Variants in PHACTR2 observed in about 807,000 individuals in gnomAD.
PHACTR2 encodes the protein chromosome 6 open reading frame 56.
Under a neutral mutation model 76.0 loss-of-function variants are expected in PHACTR2, and 30 were observed. The observed-to-expected ratio is 0.39, with a 90% CI of 0.30 to 0.54. The LOEUF (loss-of-function observed/expected upper bound fraction) is 0.54, where lower values mean the gene tolerates loss of function less well. PHACTR2 is among the 20% of genes least tolerant of loss of function. PHACTR2 has a pLI of 0.61. For missense variants in PHACTR2, 696 were observed against 781.1 expected, an observed-to-expected ratio of 0.89 and a Z score of 1.30; for synonymous variants, 292 against 292.5, an observed-to-expected ratio of 1.00 and a Z score of 0.02.
In PHACTR2 at chr6:143,610,214, A is replaced by G. The variant is rs1287545382; in HGVS notation, c.13+1892A>G. On this transcript the variant is annotated intron_variant, in intron 1 of 11. Coordinates refer to the PHACTR2 transcript ENST00000305766. The surrounding 1 kb of genome is among the most constrained non-coding windows in gnomAD (Gnocchi z 4.9). ...TTACAGGAGGAAAATGTAAACATCC[A>G]TTATATACAGACATTTCAATACATT... 1.3e-5 allele frequency among the ~76,000 whole-genome samples: 2 copies of G among 152,194 alleles called. No individual in the cohort carries two copies. The highest frequency in any genetic ancestry group is 2.9e-5 in the Non-Finnish European group (2 of 68,020).
chr6:143,817,940 G>A (rs373069218), intron 12 of PHACTR2, among the ~76,000 whole-genome samples: 1 of 152,114 alleles, frequency 6.6e-6, no homozygotes, highest in African/African-American at 2.4e-5. Flanking sequence ...ACTGTAGGGG[G>A]ACTATAGTTA....
At chr6:143,771,170 ATATGTATATATATATATATG>A (rs1562300713) in intron 6 of PHACTR2, among the ~76,000 whole-genome samples, 479 of 27,442 alleles carry the variant, frequency 0.017, 11 homozygotes, top group African/African-American at 0.06. Flanking sequence ...ATATATATAT[ATATGTATATATATATATATG>A]TGTGTATATA....
At position 143,738,574 on chromosome 6, in the gene PHACTR2, A is replaced by C. The variant is rs1778870369; in HGVS notation, c.215-10411A>C. Among the ~76,000 whole-genome samples, 1 of 151,296 alleles carries C rather than the reference A, an allele frequency of 6.6e-6. No individual in the cohort carries two copies. The highest frequency in any genetic ancestry group is 2.4e-5 in the African/African-American group (1 of 41,150). ...CGACCAGCCTGGGCAACATGACAAA[A>C]CCCCATCTCTTAAAAAAAATACAAA... On this transcript the variant is annotated intron_variant, in intron 2 of 12. Coordinates refer to ENST00000440869, the MANE Select transcript of PHACTR2 (RefSeq NM_001100164.2). This position sits in a 1 kb window ranked among gnomAD's most constrained non-coding sequence, Gnocchi z 4.0.
At chr6:143,759,349 A>T (rs967543344) in intron 4 of PHACTR2, among the ~76,000 whole-genome samples, 1 of 152,168 alleles carries the variant, frequency 6.6e-6, no homozygotes, top group African/African-American at 2.4e-5. Context: ...AGATGTACCT[A>T]TAGTTGTGAC....
chr6:143,660,854 G>A (rs993983651), intron 1 of PHACTR2, among the ~76,000 whole-genome samples: 7 of 152,126 alleles, frequency 4.6e-5, no homozygotes, highest in African/African-American at 1.7e-4. Flanking sequence ...CAAGTAGAAA[G>A]AAAATAAAAC....
In PHACTR2 at chr6:143,618,094, T is replaced by C. The variant is rs143179229; in HGVS notation, c.13+9772T>C. 6.6e-6 allele frequency among the ~76,000 whole-genome samples: 1 copy of C among 152,310 alleles called. No homozygotes were observed. Among genetic ancestry groups the C allele is most frequent in the Non-Finnish European group, 1.5e-5 (1 of 68,024 alleles). On this transcript the variant is annotated intron_variant, in intron 1 of 11. Coordinates refer to the PHACTR2 transcript ENST00000305766. This position sits in a 1 kb window ranked among gnomAD's most constrained non-coding sequence, Gnocchi z 5.2. ...TTATTAGACCCCCAAATAGCACTGC[T>C]ATGATTTAATCATCACTAACTGTAT...
rs1472893095 is a variant in PHACTR2, at chr6:143,589,451, A to T, written c.217+52244A>T. Among the ~76,000 whole-genome samples, 2 of 152,172 alleles carry T rather than the reference A, an allele frequency of 1.3e-5. No homozygotes were observed. Among genetic ancestry groups the T allele is most frequent in the African/African-American group, 2.4e-5 (1 of 41,432 alleles). Reference sequence around the variant, plus strand: ...ATTCCAAGTTTCCTGAGGCCTCCCCAGTCATGCTTCCTGTACAGCCTGTGG... The same window carrying T: ...ATTCCAAGTTTCCTGAGGCCTCCCCTGTCATGCTTCCTGTACAGCCTGTGG... On this transcript the variant is annotated intron_variant, in intron 1 of 11. Transcript: ENST00000367584. This position sits in a 1 kb window ranked among gnomAD's most constrained non-coding sequence, Gnocchi z 4.4.
chr6:143,741,973 C>T (rs779848549), intron 2 of PHACTR2, among the ~76,000 whole-genome samples: 2 of 151,836 alleles, frequency 1.3e-5, no homozygotes, highest in South Asian at 2.1e-4. Flanking sequence ...GGCATGGTGG[C>T]GGGCACCTGT....
chr6:143,711,980 T>A, intron 1 of PHACTR2, 36 bp from the exon 2 acceptor site: 1 of 1,599,054 alleles, frequency 6.3e-7, no homozygotes, highest in Non-Finnish European at 8.6e-7. Flanking sequence ...CAACCTTTTT[T>A]ACAACCTTTC....
intron 2 of PHACTR2, among the ~76,000 whole-genome samples, chr6:143,745,961 GA>G (rs1779056332): frequency 2.6e-5 from 4 of 152,268 alleles, no homozygotes; most frequent in South Asian, 2.1e-4. Flanking sequence ...AAGAAAGGGG[GA>G]ATTTTTAGCT....
At chr6:143,681,893 T>C (rs1389030952) in intron 1 of PHACTR2, among the ~76,000 whole-genome samples, 3 of 152,238 alleles carry the variant, frequency 2.0e-5, no homozygotes, top group Non-Finnish European at 4.4e-5. Flanking sequence ...ACTGTGTACA[T>C]AAGGGTTTAC....
intron 1 of PHACTR2, among the ~76,000 whole-genome samples, chr6:143,579,341 C>T (rs1445088791): frequency 6.6e-6 from 1 of 152,032 alleles, no homozygotes; most frequent in African/African-American, 2.4e-5. Context: ...ATAAAGGAGA[C>T]TTATGGGCCA....
At chr6:143,704,841 G>A (rs1778008848) in intron 1 of PHACTR2, among the ~76,000 whole-genome samples, 1 of 151,990 alleles carries the variant, frequency 6.6e-6, no homozygotes, top group South Asian at 2.1e-4. Context: ...TTTTGTTTTT[G>A]TCTTTGAGAT....
intron 11 of PHACTR2, among the ~76,000 whole-genome samples, chr6:143,804,057 C>A (rs1043747971): frequency 2.6e-5 from 4 of 152,170 alleles, no homozygotes; most frequent in Non-Finnish European, 5.9e-5. Context: ...TTTAACAAAC[C>A]ACCCCAGAAT....
chr6:143,810,280 T>C (rs1312927143), intron 12 of PHACTR2, among the ~76,000 whole-genome samples: 1 of 152,222 alleles, frequency 6.6e-6, no homozygotes, highest in Non-Finnish European at 1.5e-5. Flanking sequence ...TCTTTATGCA[T>C]ATATCTTTGT....
intron 1 of PHACTR2, among the ~76,000 whole-genome samples, chr6:143,690,830 G>A (rs1194233822): frequency 6.6e-6 from 1 of 152,194 alleles, no homozygotes; most frequent in Non-Finnish European, 1.5e-5. Flanking sequence ...TGATAATAAT[G>A]TGCTGGCATT....
chr6:143,586,600 A>T (rs540827332), intron 1 of PHACTR2, among the ~76,000 whole-genome samples: 1 of 152,350 alleles, frequency 6.6e-6, no homozygotes, highest in Admixed American at 6.5e-5. Context: ...CAGTAGGCAA[A>T]GTGGCAGCCC....
intron 1 of PHACTR2, among the ~76,000 whole-genome samples, chr6:143,586,498 A>G (rs1775631749): frequency 6.6e-6 from 1 of 152,228 alleles, no homozygotes; most frequent in African/African-American, 2.4e-5. Context: ...TGCCCAGGAA[A>G]GAACTTAAAG....
chr6:143,732,670 G>A (rs1778726020), intron 2 of PHACTR2, among the ~76,000 whole-genome samples: 1 of 152,098 alleles, frequency 6.6e-6, no homozygotes, highest in Admixed American at 6.5e-5. Flanking sequence ...GAATTGCTTA[G>A]TCATGTGGTA....
Sources: gnomAD v4.1 joint callset for allele counts (sites outside exome capture counted in the v4.1 genomes callset) on GRCh38, gnomAD v4.1.1 for gene constraint, Gnocchi (gnomAD v3.1) non-coding constraint, MANE v1.5 for transcripts, NCBI Gene and HGNC (gene_info 2026-07-23, HGNC 2026-07-21) for gene names.